The following NAV2 variants were observed in gnomAD, a reference collection of about 807,000 sequenced individuals.
NAV2 encodes neuron navigator 2.
A neutral mutation model predicts 223.2 loss-of-function variants in NAV2; 54 were observed. The ratio of observed to expected loss-of-function variants is 0.24; its 90% CI spans 0.19 to 0.30. The LOEUF is 0.30. Among genes scored for constraint, NAV2 ranks in the 10% least tolerant of loss-of-function variants. The pLI is 1.00. For missense variants in NAV2, 2,806 were observed against 3,147.5 expected, an observed-to-expected ratio of 0.89 and a Z score of 2.60; for synonymous variants, 1,279 against 1,239.3, an observed-to-expected ratio of 1.03 and a Z score of -0.67.
At chr11:19,390,430 G>T (rs781603291) in intron 1 of NAV2, among the ~76,000 whole-genome samples, 1 of 152,124 alleles carries the variant, frequency 6.6e-6, no homozygotes, top group African/African-American at 2.4e-5. Context: ...ATATGAATCT[G>T]GTCCTTTTGC....
At chr11:20,071,892 G>T (rs2059429412) in intron 22 of NAV2, among the ~76,000 whole-genome samples, 1 of 152,152 alleles carries the variant, frequency 6.6e-6, no homozygotes, top group Non-Finnish European at 1.5e-5. Flanking sequence ...AATGTTGTAG[G>T]TTGCCTGTTC....
chr11:19,444,009 A>G (rs1444050646), intron 1 of NAV2, among the ~76,000 whole-genome samples: 1 of 152,088 alleles, frequency 6.6e-6, no homozygotes. Context: ...ATCTCGGCTC[A>G]CTGCAACCTC....
At chr11:19,432,197 C>CAAAA (rs35019617) in intron 1 of NAV2, among the ~76,000 whole-genome samples, 1 of 129,390 alleles carries the variant, frequency 7.7e-6, no homozygotes, top group Non-Finnish European at 1.6e-5. Flanking sequence ...AAACTCCGAC[C>CAAAA]AAAAAAAAAA....
intron 1 of NAV2, among the ~76,000 whole-genome samples, chr11:19,465,224 C>T (rs1461468409): frequency 6.6e-6 from 1 of 152,092 alleles, no homozygotes; most frequent in South Asian, 2.1e-4. Context: ...GTTGTGTCGG[C>T]GTGGATGGGA....
intron 12 of NAV2, among the ~76,000 whole-genome samples, chr11:20,042,446 A>C (rs1452634158): frequency 1.3e-5 from 2 of 152,128 alleles, no homozygotes; most frequent in Non-Finnish European, 2.9e-5. Context: ...TGAGCTTCTC[A>C]TAGCCAGGCA....
At chr11:19,716,738 C>T (rs564088546) in intron 1 of NAV2, among the ~76,000 whole-genome samples, 34 of 152,258 alleles carry the variant, frequency 2.2e-4, no homozygotes, top group African/African-American at 7.0e-4. Context: ...TAAATCAGGT[C>T]TGATACATCC....
intron 1 of NAV2, among the ~76,000 whole-genome samples, chr11:19,540,211 T>A (rs1407575840): frequency 6.6e-6 from 1 of 152,122 alleles, no homozygotes; most frequent in Non-Finnish European, 1.5e-5. Flanking sequence ...TGGCAACTTG[T>A]CCCTGAGCTG....
chr11:19,713,784 C>T lies in NAV2; in HGVS notation c.89C>T (p.Ala30Val). 1 of 1,612,790 alleles carries T rather than the reference C, an allele frequency of 6.2e-7. No homozygotes were observed. Among genetic ancestry groups the T allele is most frequent in the Non-Finnish European group, 8.5e-7 (1 of 1,179,670 alleles). Residue 30 changes from alanine to valine, a missense_variant, in exon 1 of 38, where the codon GCC becomes GTC. Physicochemically the swap from Ala to Val is moderately conservative, Grantham distance 64. Transcript: ENST00000349880. The surrounding 1 kb of genome is among the most constrained non-coding windows in gnomAD (Gnocchi z 7.2). ...GCGCCCATCCTGCACGTGCCCCCGGCCCGGGCGGGCCCCCAGCCCTGCTAC... is the reference window on the plus strand; with the variant it reads ...GCGCCCATCCTGCACGTGCCCCCGGTCCGGGCGGGCCCCCAGCCCTGCTAC... Reference protein sequence around the residue: ...SAAPILHVPPARAGPQPCYLK... With the variant: ...SAAPILHVPPVRAGPQPCYLK...
chr11:19,478,231 T>C (rs538661561), intron 1 of NAV2, among the ~76,000 whole-genome samples: 2 of 152,086 alleles, frequency 1.3e-5, no homozygotes, highest in East Asian at 1.9e-4. Context: ...GATTCAAATA[T>C]GGGCAGCAGA....
intron 11 of NAV2, among the ~76,000 whole-genome samples, chr11:20,029,693 T>G (rs2153554234): frequency 6.6e-6 from 1 of 152,326 alleles, no homozygotes; most frequent in South Asian, 2.1e-4. Flanking sequence ...AGAAGTGAAT[T>G]CAAAGCCCTT....
intron 1 of NAV2, among the ~76,000 whole-genome samples, chr11:19,442,140 A>T (rs935683800): frequency 1.1e-4 from 17 of 152,258 alleles, no homozygotes; most frequent in Admixed American, 5.2e-4. Flanking sequence ...GCGGAAGTGG[A>T]GTGGAGCTCC....
intron 35 of NAV2, among the ~76,000 whole-genome samples, chr11:20,106,175 A>ATGTGTGTGTGTGTGTGTGTG (rs1201940130): frequency 5.6e-5 from 2 of 35,842 alleles, no homozygotes; most frequent in Non-Finnish European, 5.3e-5. Context: ...ATATATATAT[A>ATGTGTGTGTGTGTGTGTGTG]TGTGTGTGTA....
intron 1 of NAV2, among the ~76,000 whole-genome samples, chr11:19,464,420 A>G (rs559579233): frequency 1.3e-5 from 2 of 152,178 alleles, no homozygotes; most frequent in Admixed American, 6.5e-5. Context: ...TACAGGATAG[A>G]TCCTGCTGAT....
chr11:20,045,941 A>C (rs1000361176), intron 14 of NAV2, among the ~76,000 whole-genome samples: 10 of 152,204 alleles, frequency 6.6e-5, no homozygotes, highest in African/African-American at 2.2e-4. Context: ...ATTCTGCCTT[A>C]GTTTCCTCAC....
At chr11:20,043,192 G>A (rs2057103470) in intron 12 of NAV2, among the ~76,000 whole-genome samples, 1 of 152,182 alleles carries the variant, frequency 6.6e-6, no homozygotes, top group African/African-American at 2.4e-5. Context: ...CCCTTGCTTG[G>A]TGTGTTAGAT....
At chr11:19,525,444 G>A (rs757992249) in intron 1 of NAV2, among the ~76,000 whole-genome samples, 53 of 152,214 alleles carry the variant, frequency 3.5e-4, no homozygotes, top group Non-Finnish European at 6.5e-4. Flanking sequence ...ATAGAAGAGG[G>A]GGTGCAGGCA....
chr11:19,973,454 A>C (rs537500155), intron 10 of NAV2, among the ~76,000 whole-genome samples: 1 of 152,346 alleles, frequency 6.6e-6, no homozygotes, highest in Admixed American at 6.5e-5. Context: ...GTTTCAGTGC[A>C]TCAGAAGTGT....
rs79790406 is a variant in NAV2, at chr11:20,062,296, T to C, written c.4832-11T>C. Reference sequence around the variant, plus strand: ...CATCTATCAATTCACCTTTTTTTTTTCTTTTAATAGTTCATGGATCCTCAC... The same window carrying C: ...CATCTATCAATTCACCTTTTTTTTTCCTTTTAATAGTTCATGGATCCTCAC... On this transcript the variant is annotated splice_polypyrimidine_tract_variant and intron_variant, in intron 19 of 37. Coordinates refer to ENST00000349880, the MANE Select transcript of NAV2 (RefSeq NM_145117.5). 6.2e-7 allele frequency: 1 copy of C among 1,601,920 alleles called. No homozygotes were observed. Among genetic ancestry groups the C allele is most frequent in the Non-Finnish European group, 8.5e-7 (1 of 1,176,274 alleles).
intron 11 of NAV2, among the ~76,000 whole-genome samples, chr11:20,023,447 C>T (rs941602328): frequency 4.6e-5 from 7 of 152,054 alleles, no homozygotes; most frequent in African/African-American, 7.3e-5. Flanking sequence ...TTTTCCAAAC[C>T]GTCTTATCAA....
Sources: gnomAD v4.1 joint callset for allele counts (sites outside exome capture counted in the v4.1 genomes callset) on GRCh38, gnomAD v4.1.1 for gene constraint, Gnocchi (gnomAD v3.1) non-coding constraint, MANE v1.5 for transcripts, NCBI Gene and HGNC (gene_info 2026-07-23, HGNC 2026-07-21) for gene names.